Variants in METTL15 observed in about 807,000 individuals in gnomAD.
The protein encoded by METTL15 is methyltransferase 15, mitochondrial 12S rRNA N4-cytidine.
A neutral mutation model predicts 38.3 loss-of-function variants in METTL15; 34 were observed. The ratio of observed to expected loss-of-function variants is 0.89; its 90% CI spans 0.68 to 1.18. The LOEUF (loss-of-function observed/expected upper bound fraction) is 1.18. Ranked by LOEUF, METTL15 falls within the 50% of genes most tolerant of loss-of-function variation. METTL15 has a pLI of 0.00. For missense variants in METTL15, 438 were observed against 498.4 expected (o/e 0.88, Z 1.15); for synonymous variants, 162 against 170.9 (o/e 0.95, Z 0.41).
intron 5 of METTL15, among the ~76,000 whole-genome samples, chr11:28,374,024 T>C (rs1850276678): frequency 6.6e-6 from 1 of 152,200 alleles, no homozygotes; most frequent in Non-Finnish European, 1.5e-5. Context: ...CATTGATCTG[T>C]ATCTCTGTTT....
chr11:28,357,931 C>T (rs1454918105), intron 4 of METTL15, among the ~76,000 whole-genome samples: 1 of 152,008 alleles, frequency 6.6e-6, no homozygotes, highest in East Asian at 1.9e-4. Context: ...TTTGGGCCCC[C>T]ATGACCTTTT....
intron 3 of METTL15, among the ~76,000 whole-genome samples, chr11:28,338,840 C>T (rs1448220421): frequency 6.6e-6 from 1 of 152,210 alleles, no homozygotes; most frequent in East Asian, 1.9e-4. Flanking sequence ...CCACTTACAA[C>T]AACTAGAAAC....
intron 3 of METTL15, among the ~76,000 whole-genome samples, chr11:28,177,100 C>G (rs1851104783): frequency 6.6e-6 from 1 of 151,976 alleles, no homozygotes; most frequent in African/African-American, 2.4e-5. Flanking sequence ...TGGTCTTCCA[C>G]ATTGTTAATT....
chr11:28,527,136 G>A (rs1055366989), downstream of METTL15: 4 of 152,164 alleles, frequency 2.6e-5, no homozygotes, highest in Non-Finnish European at 4.4e-5. Context: ...TCTTCACCCA[G>A]AATATGGCTG....
downstream of METTL15, among the ~76,000 whole-genome samples, chr11:28,529,430 T>G (rs748561411): frequency 6.6e-6 from 1 of 152,038 alleles, no homozygotes; most frequent in Non-Finnish European, 1.5e-5. Flanking sequence ...AATTTCTTGT[T>G]ATTCTTCCAT....
intron 3 of METTL15, among the ~76,000 whole-genome samples, chr11:28,124,742 T>A (rs185215642): frequency 2.7e-4 from 41 of 152,240 alleles, no homozygotes; most frequent in Admixed American, 2.2e-3. Context: ...GTACCATTAG[T>A]CTCTTGTCTA....
At position 28,131,075 on chromosome 11, in the gene METTL15, T is replaced by A. The variant is rs185560524; in HGVS notation, c.270+17471T>A. On this transcript the variant is annotated intron_variant, in intron 3 of 6. Transcript: ENST00000407364. ...TTAAGTGCTAGTGGCATCCTCCCAT[T>A]TTTTTTTTTTAAATTACAGTCTAAA... 4.5e-3 allele frequency among the ~76,000 whole-genome samples: 667 copies of A among 149,236 alleles called. 8 individuals carry two copies. Among genetic ancestry groups the A allele is most frequent in the African/African-American group, 0.015 (597 of 40,972 alleles).
intron 3 of METTL15, among the ~76,000 whole-genome samples, chr11:28,209,472 G>C (rs1246434318): frequency 1.3e-5 from 2 of 151,996 alleles, no homozygotes; most frequent in South Asian, 4.1e-4. Context: ...TAAATAAAAA[G>C]ATATTGTTTA....
chr11:28,224,540 A>G (rs866633079), intron 4 of METTL15, among the ~76,000 whole-genome samples: 19 of 152,032 alleles, frequency 1.2e-4, no homozygotes, highest in Middle Eastern at 6.9e-3. Context: ...ATCTATGCAT[A>G]TATGTTCATA....
intron 4 of METTL15, among the ~76,000 whole-genome samples, chr11:28,265,027 G>A (rs1302981311): frequency 2.0e-5 from 3 of 151,988 alleles, no homozygotes; most frequent in East Asian, 1.9e-4. Context: ...TGTGATTGAC[G>A]GTGGCCAAGG....
At chr11:28,415,050 T>G (rs1850761243) in intron 5 of METTL15, among the ~76,000 whole-genome samples, 1 of 152,244 alleles carries the variant, frequency 6.6e-6, no homozygotes, top group African/African-American at 2.4e-5. Context: ...TTGTGGATCA[T>G]GTCATTGGGC....
intron 5 of METTL15, among the ~76,000 whole-genome samples, chr11:28,378,545 A>G (rs983429045): frequency 4.2e-4 from 64 of 152,098 alleles, no homozygotes; most frequent in African/African-American, 1.5e-3. Flanking sequence ...ACTGACCTGC[A>G]CCCACTGTCT....
At chr11:28,350,598 CCTT>C (rs1303458347) in intron 3 of METTL15, among the ~76,000 whole-genome samples, 2 of 152,158 alleles carry the variant, frequency 1.3e-5, no homozygotes, top group African/African-American at 4.8e-5. Context: ...TTAATACACT[CCTT>C]CTTTTTCTCT....
intron 5 of METTL15, among the ~76,000 whole-genome samples, chr11:28,363,530 TTTGA>T (rs1435977811): frequency 6.6e-6 from 1 of 151,172 alleles, no homozygotes; most frequent in East Asian, 1.9e-4. Flanking sequence ...CCATTTTTAA[TTTGA>T]TTGTTTGTTT....
At chr11:28,208,510 G>A (rs2133834647) in intron 3 of METTL15, among the ~76,000 whole-genome samples, 1 of 152,140 alleles carries the variant, frequency 6.6e-6, no homozygotes, top group South Asian at 2.1e-4. Context: ...TACATTTGCT[G>A]AGGAGAGCTT....
chr11:28,414,800 CTT>C (rs1850759258), intron 5 of METTL15, among the ~76,000 whole-genome samples: 2 of 152,264 alleles, frequency 1.3e-5, no homozygotes, highest in African/African-American at 4.8e-5. Flanking sequence ...ATCAAAATGA[CTT>C]TTGAAGTGTT....
At chr11:28,281,624 G>T (rs1265256358) in intron 4 of METTL15, among the ~76,000 whole-genome samples, 1 of 152,168 alleles carries the variant, frequency 6.6e-6, no homozygotes, top group East Asian at 1.9e-4. Flanking sequence ...AGAAATAGAT[G>T]TTTCCAAATG....
intron 4 of METTL15, among the ~76,000 whole-genome samples, chr11:28,216,788 A>G (rs1441693962): frequency 7.1e-6 from 1 of 140,852 alleles, no homozygotes; most frequent in Non-Finnish European, 1.5e-5. Flanking sequence ...TTCAACTCCA[A>G]CCTATGAGTG....
At chr11:28,328,129 T>TC (rs1849697325) in intron 6 of METTL15, 1 of 1,611,886 alleles carries the variant, frequency 6.2e-7, no homozygotes, top group Non-Finnish European at 8.5e-7. Context: ...TGGCCCAAAC[T>TC]CTTTATTAGG....
Sources: allele counts gnomAD v4.1 joint callset (sites outside exome capture counted in the v4.1 genomes callset), GRCh38; gene constraint gnomAD v4.1.1; transcripts MANE v1.5; gene names NCBI Gene and HGNC (gene_info 2026-07-23, HGNC 2026-07-21).